ANKRD27: variants seen among roughly 807,000 people sequenced by gnomAD.
The protein encoded by ANKRD27 is ankyrin repeat domain-containing protein 27.
ANKRD27 carries 112 observed loss-of-function variants against 129.7 expected under a neutral mutation model. That is an observed-to-expected ratio of 0.86 (90% CI 0.74 to 1.01). The LOEUF (loss-of-function observed/expected upper bound fraction) is 1.01, where lower values mean the gene tolerates loss of function less well. Among genes scored for constraint, ANKRD27 ranks in the 50% least tolerant of loss-of-function variants. The pLI is 0.00. For synonymous variants in ANKRD27, 516 were observed against 511.2 expected, an observed-to-expected ratio of 1.01 and a Z score of -0.13; for missense variants, 1,258 against 1,300.5, an observed-to-expected ratio of 0.97 and a Z score of 0.50.
At chr19:32,643,727 A>G in intron 5 of ANKRD27, 96 bp from the exon 6 acceptor site, 1 of 1,294,574 alleles carries the variant, frequency 7.7e-7, no homozygotes, top group Non-Finnish European at 1.1e-6. Context: ...TCAAGTGCTA[A>G]CACAAGCTTT....
chr19:32,618,946 TC>T (rs1216370338), intron 20 of ANKRD27, among the ~76,000 whole-genome samples: 2 of 152,158 alleles, frequency 1.3e-5, no homozygotes, highest in Non-Finnish European at 2.9e-5. Context: ...TGATCTGAAA[TC>T]AGCGGACTTC....
At chr19:32,602,632 C>T (rs1380066861) in intron 25 of ANKRD27, among the ~76,000 whole-genome samples, 2 of 151,798 alleles carry the variant, frequency 1.3e-5, no homozygotes, top group Non-Finnish European at 2.9e-5. Context: ...ATGGCTCACG[C>T]CTGTAATCTC....
At chr19:32,654,735 A>G (rs1208671903) in intron 2 of ANKRD27, among the ~76,000 whole-genome samples, 23 of 151,724 alleles carry the variant, frequency 1.5e-4, no homozygotes. Flanking sequence ...TAGAGGTGCA[A>G]TCCCACTGCT....
At chr19:32,662,912 T>C (rs906803056) in intron 1 of ANKRD27, among the ~76,000 whole-genome samples, 6 of 151,934 alleles carry the variant, frequency 3.9e-5, no homozygotes, top group Non-Finnish European at 8.8e-5. Flanking sequence ...CGTGATGGCA[T>C]GTGCCTGTAA....
intron 22 of ANKRD27, among the ~76,000 whole-genome samples, chr19:32,615,170 A>G (rs1971896263): frequency 6.6e-6 from 1 of 152,260 alleles, no homozygotes; most frequent in Non-Finnish European, 1.5e-5. Flanking sequence ...CCTGCCACGC[A>G]GGGAGCTGGC....
intron 2 of ANKRD27, among the ~76,000 whole-genome samples, chr19:32,656,123 AAAAG>A (rs1967531366): frequency 8.5e-6 from 1 of 117,826 alleles, no homozygotes; most frequent in African/African-American, 3.3e-5. Flanking sequence ...AAAAGAAAAG[AAAAG>A]AAAAGAAAAG....
intron 1 of ANKRD27, chr19:32,673,503 C>G: frequency 1.0e-6 from 1 of 957,660 alleles, no homozygotes; most frequent in Non-Finnish European, 1.2e-6. Context: ...GCTAGGTGCT[C>G]AGGACCTGGC....
chr19:32,601,951 C>T, intron 26 of ANKRD27, 64 bp downstream of exon 26: 1 of 980,200 alleles, frequency 1.0e-6, no homozygotes. Context: ...TGAACACCAG[C>T]AACTACTCAT....
intron 4 of ANKRD27, among the ~76,000 whole-genome samples, chr19:32,646,040 T>C (rs572296586): frequency 4.3e-4 from 66 of 152,164 alleles, no homozygotes; most frequent in African/African-American, 1.6e-3. Flanking sequence ...CAAGCAATTC[T>C]CCTACCTCAG....
chr19:32,599,653 C>T lies in ANKRD27; in HGVS notation c.2919+51G>A. 2.6e-6 allele frequency: 4 copies of T among 1,548,016 alleles called. No individual in the cohort carries two copies. In the South Asian group the frequency reaches 4.6e-5, roughly 18 times the overall value. On this transcript the variant is annotated intron_variant, in intron 28 of 28. Coordinates refer to ENST00000306065, the MANE Select transcript of ANKRD27 (RefSeq NM_032139.3). ...CGTGTTTACCATGGATTACTTTTGA[C>T]AAAGCCGGGCTTTAGAAAATATGAT...
At chr19:32,660,000 C>T (rs1226579469) in intron 1 of ANKRD27, among the ~76,000 whole-genome samples, 2 of 152,144 alleles carry the variant, frequency 1.3e-5, no homozygotes, top group Admixed American at 6.5e-5. Flanking sequence ...GGCATGTGCC[C>T]GTAGTCCCAG....
chr19:32,634,783 T>C (rs1230021721), intron 12 of ANKRD27, among the ~76,000 whole-genome samples: 4 of 151,984 alleles, frequency 2.6e-5, no homozygotes, highest in African/African-American at 9.7e-5. Context: ...TGCGTAGTGG[T>C]GCGTGCCTGT....
intron 20 of ANKRD27, among the ~76,000 whole-genome samples, 174 bp from the exon 21 acceptor site, chr19:32,617,807 T>G (rs867827823): frequency 6.6e-6 from 1 of 150,380 alleles, no homozygotes; most frequent in Non-Finnish European, 1.5e-5. Flanking sequence ...CAGGATGGAG[T>G]GCAGTGGCGC....
chr19:32,604,572 G>A lies in ANKRD27; in HGVS notation c.2494-148C>T, dbSNP rs183066178. On this transcript the variant is annotated intron_variant, in intron 24 of 28. Coordinates refer to ENST00000306065, the MANE Select transcript of ANKRD27 (RefSeq NM_032139.3). Reference sequence around the variant, plus strand: ...AAATTTGGGGAGGAAAAGTAATACTGAGAAAAAAAGATTTATAGACAAAGA... The same window carrying A: ...AAATTTGGGGAGGAAAAGTAATACTAAGAAAAAAAGATTTATAGACAAAGA... The A allele has an allele frequency of 1.1e-3, 845 of 786,514 alleles. 11 individuals are homozygous for A. Among genetic ancestry groups the A allele is most frequent in the South Asian group, 7.6e-3 (308 of 40,526 alleles). The allele number at this position is 786,514 out of a possible 1,614,324, so 48.7% of individuals were successfully genotyped here. A position where few individuals can be genotyped will look rare whatever the true frequency, so the allele number is the denominator to read the frequency against.
At chr19:32,619,661 G>C in intron 18 of ANKRD27, 108 bp from the exon 19 acceptor site, 1 of 1,363,922 alleles carries the variant, frequency 7.3e-7, no homozygotes, top group Non-Finnish European at 1.0e-6. Flanking sequence ...CGGAATGTCA[G>C]TGCAGTGAGC....
intron 2 of ANKRD27, among the ~76,000 whole-genome samples, chr19:32,656,084 AAAG>A (rs1453319269): frequency 1.1e-3 from 131 of 119,498 alleles, no homozygotes; most frequent in African/African-American, 5.0e-3. Context: ...AGAAAGAAAG[AAAG>A]AAAGAAAGAA....
At chr19:32,673,309 C>T (rs1376939448) in intron 1 of ANKRD27, 15 of 985,732 alleles carry the variant, frequency 1.5e-5, no homozygotes, top group Non-Finnish European at 1.8e-5. Flanking sequence ...GTCTCTGCTC[C>T]TGCTCCCATC....
At chr19:32,607,520 G>T in intron 23 of ANKRD27, 115 bp downstream of exon 23, 1 of 1,265,544 alleles carries the variant, frequency 7.9e-7, no homozygotes. Context: ...CTCAGGGCTC[G>T]GGGGAGCAGT....
At chr19:32,663,310 C>T (rs1273877437) in intron 1 of ANKRD27, among the ~76,000 whole-genome samples, 3 of 152,120 alleles carry the variant, frequency 2.0e-5, no homozygotes, top group Non-Finnish European at 4.4e-5. Flanking sequence ...ACCACCCACC[C>T]AACTCACACA....
Sources: allele counts gnomAD v4.1 joint callset (sites outside exome capture counted in the v4.1 genomes callset), GRCh38; gene constraint gnomAD v4.1.1; transcripts MANE v1.5; gene names NCBI Gene and HGNC (gene_info 2026-07-23, HGNC 2026-07-21).